Variants in CLTCL1 observed in about 807,000 individuals in gnomAD.
The protein encoded by CLTCL1 is clathrin heavy chain 2.
In CLTCL1, 159 loss-of-function variants were observed where a neutral mutation model predicts 190.0. That is an observed-to-expected ratio of 0.84 (90% CI 0.74 to 0.95). CLTCL1 has a LOEUF of 0.95. CLTCL1 is among the 40% of genes least tolerant of loss of function. The pLI, the probability that CLTCL1 is intolerant of heterozygous loss-of-function variation, is 0.00. For synonymous variants in CLTCL1, 752 were observed against 769.6 expected (o/e 0.98, Z 0.38); for missense variants, 1,878 against 2,033.4 (o/e 0.92, Z 1.47).
chr22:19,264,715 A>G (rs2087061134), intron 2 of CLTCL1, among the ~76,000 whole-genome samples: 1 of 152,328 alleles, frequency 6.6e-6, no homozygotes, highest in Non-Finnish European at 1.5e-5. Context: ...TAATGATATC[A>G]TGATATACCT....
At chr22:19,222,885 T>C (rs1165366186) in intron 14 of CLTCL1, 76 bp from the exon 15 acceptor site, 5 of 1,524,960 alleles carry the variant, frequency 3.3e-6, no homozygotes, top group Admixed American at 3.9e-5. Flanking sequence ...ATTGCACACA[T>C]GGGACGGCTC....
intron 10 of CLTCL1, among the ~76,000 whole-genome samples, chr22:19,232,005 G>C: frequency 6.6e-6 from 1 of 152,266 alleles, no homozygotes; most frequent in Non-Finnish European, 1.5e-5. Flanking sequence ...AAAGTGACTT[G>C]TCATGTGTTT....
Position 19,219,975 on chromosome 22 carries a change from C to G in CLTCL1, c.2829G>C (p.Glu943Asp). 1 of 1,613,986 alleles carries G rather than the reference C, an allele frequency of 6.2e-7. No individual in the cohort carries two copies. The highest frequency in any genetic ancestry group is 8.5e-7 in the Non-Finnish European group (1 of 1,179,898). Residue 943 changes from glutamate (E) to aspartate (D), a missense_variant, in exon 18 of 33, where the codon GAG (glutamate) becomes GAC (aspartate). Coordinates refer to ENST00000427926, the MANE Select transcript of CLTCL1 (RefSeq NM_007098.4). Reference protein sequence around the residue: ...VCNENSLFKSEARYLVCRKDP... With the variant: ...VCNENSLFKSDARYLVCRKDP... ...CCTTTCTGCATACCAGGTAGCGGGC[C>G]TCGCTTTTGAACAGAGAATTCTCAT...
Position 19,291,668 on chromosome 22 carries a change from G to A in CLTCL1, c.-27C>T, listed in dbSNP as rs910248121. On this transcript the variant is annotated 5_prime_UTR_variant, in exon 1 of 33. Transcript: ENST00000427926. ...GCTGGTGCGGGACCTCGGCGGCGGC[G>A]GCGGCAGCGGCAGGAATGAACGCCG... The A allele has an allele frequency of 7.6e-5, 104 of 1,360,546 alleles. 1 individual carries two copies. In the African/African-American group the frequency reaches 1.4e-3, roughly 19 times the overall value. The allele number at this position is 1,360,546 out of a possible 1,614,324, so 84.3% of individuals were successfully genotyped here.
At chr22:19,281,723 G>A (rs1230005528) in intron 1 of CLTCL1, among the ~76,000 whole-genome samples, 1 of 152,132 alleles carries the variant, frequency 6.6e-6, no homozygotes, top group Non-Finnish European at 1.5e-5. Context: ...TCTCAGTTTG[G>A]GGATCGATGT....
chr22:19,255,453 C>T (rs1294239262), intron 2 of CLTCL1, among the ~76,000 whole-genome samples: 1 of 151,922 alleles, frequency 6.6e-6, no homozygotes, highest in African/African-American at 2.4e-5. Flanking sequence ...ATTCCAGCTA[C>T]TTGAGAGGCT....
intron 19 of CLTCL1, among the ~76,000 whole-genome samples, chr22:19,213,828 G>A (rs187879132): frequency 1.3e-5 from 2 of 152,182 alleles, no homozygotes; most frequent in African/African-American, 4.8e-5. Context: ...GTTAAAGGGT[G>A]ATGGAATTGT....
At chr22:19,247,490 A>G (rs576189373) in intron 3 of CLTCL1, among the ~76,000 whole-genome samples, 3 of 152,210 alleles carry the variant, frequency 2.0e-5, no homozygotes, top group Admixed American at 6.5e-5. Flanking sequence ...TTCTTCAAAC[A>G]TGATGATTTC....
At position 19,188,038 on chromosome 22, in the gene CLTCL1, G is replaced by A. The variant is rs1032454335; in HGVS notation, c.4377C>T (p.Asn1459=). Residue 1459 remains asparagine (N), a synonymous_variant, in exon 28 of 33, where the codon AAC becomes AAT. Coordinates refer to ENST00000427926, the MANE Select transcript of CLTCL1 (RefSeq NM_007098.4). ...KPYLRSVQSH[N]NKSVNEALNH... Reference sequence around the variant, plus strand: ...TGAGTGCCTCATTCACACTCTTGTTGTTGTGGCTCTGGACTGACCGCAGGT... The same window carrying A: ...TGAGTGCCTCATTCACACTCTTGTTATTGTGGCTCTGGACTGACCGCAGGT... The A allele has an allele frequency of 2.1e-5, 34 of 1,613,924 alleles. No individual in the cohort carries two copies. Among genetic ancestry groups the A allele is most frequent in the Non-Finnish European group, 2.6e-5 (31 of 1,179,910 alleles).
At chr22:19,219,579 G>A (rs573608116) in intron 18 of CLTCL1, among the ~76,000 whole-genome samples, 3 of 152,098 alleles carry the variant, frequency 2.0e-5, no homozygotes, top group South Asian at 4.2e-4. Flanking sequence ...CACCCCCTGG[G>A]TTCAAGCAAT....
intron 2 of CLTCL1, among the ~76,000 whole-genome samples, chr22:19,260,198 T>C (rs117122218): frequency 0.013 from 1,959 of 152,274 alleles, 25 homozygotes; most frequent in Non-Finnish European, 0.02. Flanking sequence ...GCCATCTCCA[T>C]AGCATAAAAC....
intron 26 of CLTCL1, among the ~76,000 whole-genome samples, chr22:19,195,990 G>GCAGGGCCA (rs1334659666): frequency 2.0e-5 from 3 of 152,250 alleles, no homozygotes; most frequent in Non-Finnish European, 4.4e-5. Flanking sequence ...GGGCGGGCAG[G>GCAGGGCCA]CAGGGCCACA....
intron 2 of CLTCL1, among the ~76,000 whole-genome samples, chr22:19,269,141 G>A (rs1025619155): frequency 2.0e-5 from 3 of 151,218 alleles, no homozygotes; most frequent in South Asian, 2.1e-4. Flanking sequence ...GGTGGTTCAC[G>A]CCTGTAATCC....
chr22:19,242,857 G>A lies in CLTCL1; in HGVS notation c.599C>T (p.Ala200Val), dbSNP rs1555966175. The stretch of plus-strand genomic sequence containing the variant: ...CCCCTCCATCTTGAACTCTGCAAAA[G>A]CCGCAGCATGGCCTTCTATGGGTTG... ...VSQPIEGHAA[A>V]FAEFKMEGNA... is the part of the protein sequence containing the mutation. Residue 200 changes from alanine (A) to valine (V), a missense_variant, in exon 4 of 33, where the codon GCT (alanine) becomes GTT (valine). By Grantham distance (64) the Ala-to-Val change is moderately conservative. Transcript: ENST00000427926. 6.2e-7 allele frequency: 1 copy of A among 1,613,996 alleles called. No individual in the cohort carries two copies. The highest frequency in any genetic ancestry group is 1.3e-5 in the African/African-American group (1 of 75,044).
chr22:19,191,247 T>A, intron 27 of CLTCL1, 57 bp downstream of exon 27: 1 of 1,601,520 alleles, frequency 6.2e-7, no homozygotes, highest in South Asian at 1.1e-5. Flanking sequence ...ATCATTCAGA[T>A]GACTTTGTTA....
chr22:19,222,530 G>T (rs1426892756), intron 15 of CLTCL1, among the ~76,000 whole-genome samples, 154 bp downstream of exon 15: 1 of 152,170 alleles, frequency 6.6e-6, no homozygotes, highest in South Asian at 2.1e-4. Context: ...CTGGACTGTG[G>T]TCTTCTACTC....
At chr22:19,213,923 C>A (rs956735953) in intron 19 of CLTCL1, among the ~76,000 whole-genome samples, 1 of 152,154 alleles carries the variant, frequency 6.6e-6, no homozygotes, top group African/African-American at 2.4e-5. Flanking sequence ...TCCAGAAGGT[C>A]ATTTTTACTG....
intron 24 of CLTCL1, 56 bp from the exon 25 acceptor site, chr22:19,196,712 C>T (rs1555936115): frequency 7.0e-6 from 11 of 1,560,784 alleles, no homozygotes; most frequent in Non-Finnish European, 9.6e-6. Flanking sequence ...CCTGCAGCCA[C>T]CCTCCAGCCC....
intron 16 of CLTCL1, 71 bp downstream of exon 16, chr22:19,221,880 G>T: frequency 1.9e-6 from 3 of 1,541,218 alleles, no homozygotes; most frequent in South Asian, 1.2e-5. Context: ...CAGTCCTGGA[G>T]AATTAGACAG....
Sources: gnomAD v4.1 joint callset for allele counts (sites outside exome capture counted in the v4.1 genomes callset) on GRCh38, gnomAD v4.1.1 for gene constraint, MANE v1.5 for transcripts, NCBI Gene and HGNC (gene_info 2026-07-23, HGNC 2026-07-21) for gene names.